The following FOCAD variants were observed in gnomAD, a reference collection of about 807,000 sequenced individuals.
The protein encoded by FOCAD is focadhesin, also known as KIAA1797.
FOCAD carries 198 observed loss-of-function variants against 225.6 expected under a neutral mutation model. The ratio of observed to expected loss-of-function variants is 0.88; its 90% CI spans 0.78 to 0.99. The LOEUF is 0.99. Ranked by LOEUF, FOCAD falls within the 50% of genes least tolerant of loss-of-function variation. FOCAD has a pLI of 0.00. For synonymous variants in FOCAD, 897 were observed against 755.0 expected (o/e 1.19, Z -3.08); for missense variants, 2,713 against 2,123.6 (o/e 1.28, Z -5.46).
chr9:20,872,151 G>A (rs1209532388), intron 18 of FOCAD, among the ~76,000 whole-genome samples: 1 of 152,040 alleles, frequency 6.6e-6, no homozygotes, highest in Non-Finnish European at 1.5e-5. Flanking sequence ...TTGAGATGCA[G>A]ACATATGCTA....
chr9:20,922,437 G>T (rs1218713789), intron 24 of FOCAD, among the ~76,000 whole-genome samples: 1 of 152,124 alleles, frequency 6.6e-6, no homozygotes, highest in South Asian at 2.1e-4. Flanking sequence ...AAGGATGGGC[G>T]AATAGATAGG....
At chr9:20,818,369 T>G (rs1587289155) in intron 11 of FOCAD, among the ~76,000 whole-genome samples, 1 of 152,166 alleles carries the variant, frequency 6.6e-6, no homozygotes, top group African/African-American at 2.4e-5. Context: ...GACAAGCATT[T>G]TTACGTTGAT....
chr9:20,754,834 T>G lies in FOCAD; in HGVS notation c.393-3256T>G, dbSNP rs575533685. 2.1e-4 allele frequency among the ~76,000 whole-genome samples: 32 copies of G among 152,304 alleles called. 1 individual carries two copies. The South Asian group carries it at 6.4e-3, about 31-fold the overall frequency. Reference sequence around the variant, plus strand: ...CCCAAAATGTCAGTAGTGGTAAGACTGAGAAACTCTCATGCATGGGCAGTT... The same window carrying G: ...CCCAAAATGTCAGTAGTGGTAAGACGGAGAAACTCTCATGCATGGGCAGTT... On this transcript the variant is annotated intron_variant, in intron 5 of 43. Coordinates refer to ENST00000338382, the MANE Select transcript of FOCAD (RefSeq NM_001375567.1).
At chr9:20,756,285 T>C (rs895132942) in intron 5 of FOCAD, among the ~76,000 whole-genome samples, 1 of 152,092 alleles carries the variant, frequency 6.6e-6, no homozygotes, top group Non-Finnish European at 1.5e-5. Flanking sequence ...TAGTACATGA[T>C]AGGTTAGGTG....
At chr9:20,705,876 GAATA>G (rs1824337328) in intron 1 of FOCAD, among the ~76,000 whole-genome samples, 1 of 143,212 alleles carries the variant, frequency 7.0e-6, no homozygotes, top group Non-Finnish European at 1.5e-5. Context: ...TTAAAACACA[GAATA>G]ATTAGAGAAA....
chr9:20,952,783 CT>C (rs1330392095), intron 34 of FOCAD, among the ~76,000 whole-genome samples: 4 of 151,992 alleles, frequency 2.6e-5, no homozygotes, highest in Non-Finnish European at 5.9e-5. Context: ...TTTAGATTTG[CT>C]TACATAGCTT....
chr9:20,778,575 G>A (rs751319860), intron 8 of FOCAD, 106 bp from the exon 9 acceptor site: 8 of 628,452 alleles, frequency 1.3e-5, no homozygotes, highest in Non-Finnish European at 2.3e-5. Context: ...TTGTGTAATA[G>A]GCTTGCAGTC....
At chr9:20,772,325 G>A (rs971757388) in intron 8 of FOCAD, among the ~76,000 whole-genome samples, 1 of 152,190 alleles carries the variant, frequency 6.6e-6, no homozygotes, top group Non-Finnish European at 1.5e-5. Flanking sequence ...TAGGCTAGAA[G>A]TCTAGGCTAA....
intron 33 of FOCAD, among the ~76,000 whole-genome samples, chr9:20,950,126 G>C (rs962142020): frequency 2.0e-5 from 3 of 150,910 alleles, no homozygotes; most frequent in African/African-American, 7.3e-5. Flanking sequence ...ATGTTTTTTT[G>C]TTTTAAGATT....
Position 20,933,073 on chromosome 9 carries a change from A to T in FOCAD, c.3377A>T (p.Asn1126Ile), listed in dbSNP as rs1337361536. The change falls in exon 28 of 44, where the codon AAT (asparagine) becomes ATT (isoleucine). Residue 1126 changes from asparagine (N) to isoleucine (I), a missense_variant. By Grantham distance (149) the Asn-to-Ile change is moderately radical (BLOSUM62 -3). Coordinates refer to ENST00000338382, the MANE Select transcript of FOCAD (RefSeq NM_001375567.1). ...ATGAAGTCGTTGGATGCCCTGGAAA[A>T]TTGCTGCTTTGACACTAGTCTTGAA... ...LLMKSLDALE[N>I]CCFDTSLEYN... The T allele has an allele frequency of 6.2e-7, 1 of 1,613,892 alleles. No homozygotes were observed. The highest frequency in any genetic ancestry group is 8.5e-7 in the Non-Finnish European group (1 of 1,179,928).
chr9:20,843,702 CT>C (rs1389479303), intron 15 of FOCAD, among the ~76,000 whole-genome samples: 1 of 152,030 alleles, frequency 6.6e-6, no homozygotes, highest in Admixed American at 6.6e-5. Context: ...GTATTTTGAT[CT>C]TTCTTTCTAC....
chr9:20,775,657 T>A (rs1818681601), intron 8 of FOCAD, among the ~76,000 whole-genome samples: 1 of 152,162 alleles, frequency 6.6e-6, no homozygotes, highest in Non-Finnish European at 1.5e-5. Flanking sequence ...GTAAAATCCT[T>A]GAGAAAAGGG....
intron 15 of FOCAD, among the ~76,000 whole-genome samples, chr9:20,857,520 G>C (rs1278106275): frequency 6.6e-6 from 1 of 151,584 alleles, no homozygotes; most frequent in African/African-American, 2.4e-5. Flanking sequence ...CTAAATATGA[G>C]ATCATATCAT....
At chr9:20,770,375 T>G (rs1818086730) in intron 8 of FOCAD, 137 bp downstream of exon 8, 1 of 777,726 alleles carries the variant, frequency 1.3e-6, no homozygotes, top group Non-Finnish European at 2.0e-6. Flanking sequence ...TGGCATCTGC[T>G]TAGCTTCTGG....
rs1837439839 is a variant in FOCAD, at chr9:20,948,927, A to G, written c.3875A>G (p.Gln1292Arg). Residue 1292 changes from glutamine (Q) to arginine (R), a missense_variant and splice_region_variant, in exon 32 of 44, where the codon CAG (glutamine) becomes CGG (arginine). By Grantham distance (43) the Gln-to-Arg change is conservative. Transcript: ENST00000338382. Reference sequence around the variant, plus strand: ...GTAGGCTCTGAAGGGGATGTAATGCAGGTAAAGAAAGGAACCATGGAGGGG... The same window carrying G: ...GTAGGCTCTGAAGGGGATGTAATGCGGGTAAAGAAAGGAACCATGGAGGGG... ...ALVGSEGDVM[Q>R]LKSEAIQTSH... 1 of 1,613,058 alleles carries G rather than the reference A, an allele frequency of 6.2e-7. No individual in the cohort carries two copies. Among genetic ancestry groups the G allele is most frequent in the Non-Finnish European group, 8.5e-7 (1 of 1,179,256 alleles).
intron 35 of FOCAD, among the ~76,000 whole-genome samples, chr9:20,974,969 T>C (rs1483365332): frequency 6.6e-6 from 1 of 152,216 alleles, no homozygotes; most frequent in Non-Finnish European, 1.5e-5. Context: ...TTTTTCCTTT[T>C]GCTGACTCTA....
At chr9:20,949,573 G>T in intron 32 of FOCAD, 31 bp from the exon 33 acceptor site, 2 of 1,563,464 alleles carry the variant, frequency 1.3e-6, no homozygotes, top group Non-Finnish European at 1.8e-6. Context: ...ATGGGGGTGG[G>T]TGGGATGGGT....
chr9:20,690,907 T>A (rs929352652), intron 1 of FOCAD, among the ~76,000 whole-genome samples: 2 of 76,126 alleles, frequency 2.6e-5, no homozygotes, highest in Admixed American at 1.2e-4. Context: ...CCTGTCAGCA[T>A]TTTTTTTTTT....
intron 27 of FOCAD, among the ~76,000 whole-genome samples, chr9:20,932,592 G>A (rs1198729317): frequency 6.6e-6 from 1 of 152,204 alleles, no homozygotes; most frequent in Non-Finnish European, 1.5e-5. Flanking sequence ...GAAATCAGAA[G>A]TGACAGTCTT....
Sources: gnomAD v4.1 joint callset for allele counts (sites outside exome capture counted in the v4.1 genomes callset) on GRCh38, gnomAD v4.1.1 for gene constraint, MANE v1.5 for transcripts, NCBI Gene and HGNC (gene_info 2026-07-23, HGNC 2026-07-21) for gene names.